The following SYPL2 variants were observed in gnomAD, a reference collection of about 807,000 sequenced individuals.
SYPL2 encodes synaptophysin-like protein 2.
Under a neutral mutation model 31.3 loss-of-function variants are expected in SYPL2, and 24 were observed. The ratio of observed to expected loss-of-function variants is 0.77; its 90% confidence interval spans 0.56 to 1.08. SYPL2 has a LOEUF of 1.08. Among genes scored for constraint, SYPL2 ranks in the 50% least tolerant of loss-of-function variants. The pLI is 0.00. For synonymous variants in SYPL2, 144 were observed against 143.1 expected, an observed-to-expected ratio of 1.01 and a Z score of -0.05; for missense variants, 342 against 360.1, an observed-to-expected ratio of 0.95 and a Z score of 0.41.
chr1:109,478,456 G>A lies in SYPL2; in HGVS notation c.648+447G>A, dbSNP rs1030504993. Among the ~76,000 whole-genome samples the A allele has an allele frequency of 7.2e-5, 11 of 152,260 alleles. No individual in the cohort carries two copies. The highest frequency in any genetic ancestry group is 2.7e-4 in the African/African-American group (11 of 41,478). ...CAGCCTGGAAAGGGGCTTTGGAGCA[G>A]TAGTGGGTCTGCTGGATGCATATGG... On this transcript the variant is annotated intron_variant, in intron 5 of 5. Coordinates refer to ENST00000369872, the MANE Select transcript of SYPL2 (RefSeq NM_001040709.2). The surrounding 1 kb of genome is among the most constrained non-coding windows in gnomAD (Gnocchi z 4.0).
chr1:109,472,019 A>G (rs1021719994), intron 2 of SYPL2, among the ~76,000 whole-genome samples: 4 of 151,716 alleles, frequency 2.6e-5, no homozygotes, highest in African/African-American at 9.7e-5. Flanking sequence ...TTTTTATTTA[A>G]TTTAATTCTG....
rs549056430 is a variant in SYPL2, at chr1:109,467,630, C to G, written c.129+497C>G. On this transcript the variant is annotated intron_variant, in intron 2 of 5. Coordinates refer to ENST00000369872, the MANE Select transcript of SYPL2 (RefSeq NM_001040709.2). The stretch of plus-strand genomic sequence containing the variant: ...GTACTGGGCTCAGGGGACAGGCTCT[C>G]GGCTCGCCGTTCCCTTTTGAGGTCA... Among the ~76,000 whole-genome samples the G allele has an allele frequency of 2.0e-5, 3 of 152,240 alleles. No individual in the cohort carries two copies. The South Asian group carries it at 6.2e-4, about 32-fold the overall frequency.
At chr1:109,469,188 C>A (rs1264940284) in intron 2 of SYPL2, among the ~76,000 whole-genome samples, 3 of 152,076 alleles carry the variant, frequency 2.0e-5, no homozygotes, top group African/African-American at 7.2e-5. Flanking sequence ...CACTCATTTC[C>A]TGTTTGGAGG....
intron 2 of SYPL2, among the ~76,000 whole-genome samples, chr1:109,468,738 G>C (rs555354917): frequency 6.6e-6 from 1 of 152,290 alleles, no homozygotes; most frequent in African/African-American, 2.4e-5. Flanking sequence ...CTCTCCCTTG[G>C]AGGGATTCTG....
At chr1:109,476,632 G>T in intron 3 of SYPL2, 144 bp from the exon 4 acceptor site, 1 of 781,510 alleles carries the variant, frequency 1.3e-6, no homozygotes, top group Non-Finnish European at 2.0e-6. Context: ...TAACTGCAAG[G>T]TTCCTTCCAG....
rs995187490 is a variant in SYPL2, at chr1:109,466,750, C to T, written c.-94C>T. 7.3e-7 allele frequency: 1 copy of T among 1,363,520 alleles called. No homozygotes were observed. Among genetic ancestry groups the T allele is most frequent in the Non-Finnish European group, 9.5e-7 (1 of 1,049,424 alleles). The allele number at this position is 1,363,520 out of a possible 1,614,324, so 84.5% of individuals were successfully genotyped here. On this transcript the variant is annotated 5_prime_UTR_variant, in exon 1 of 6. Transcript: ENST00000369872. ...TCCGGCCCCGCTCGCCTGCTCTGCC[C>T]CGGACCTGCAGCTCCCCGCTCCCCC...
chr1:109,472,838 C>T (rs1024023749), intron 2 of SYPL2, among the ~76,000 whole-genome samples: 4 of 151,832 alleles, frequency 2.6e-5, no homozygotes, highest in African/African-American at 4.8e-5. Flanking sequence ...TGTTGCTAGT[C>T]TCAAATTCCT....
At position 109,480,998 on chromosome 1, in the gene SYPL2, C is replaced by A. The variant is rs2101010095; in HGVS notation, c.*1450C>A. 1 of 152,812 alleles carries A rather than the reference C, an allele frequency of 6.5e-6. No homozygotes were observed. Among genetic ancestry groups the A allele is most frequent in the East Asian group, 1.9e-4 (1 of 5,184 alleles). The allele number at this position is 152,812 out of a possible 1,614,324, so 9.5% of individuals were successfully genotyped here. On this transcript the variant is annotated 3_prime_UTR_variant, in exon 6 of 6. Transcript: ENST00000369872. ...AAGAGGGAAGAATCCGACCACTTTC[C>A]AATCCAGTGCCAATTGGCCCACTAA...
chr1:109,468,882 G>A (rs1403305838), intron 2 of SYPL2, among the ~76,000 whole-genome samples: 1 of 151,548 alleles, frequency 6.6e-6, no homozygotes, highest in Non-Finnish European at 1.5e-5. Context: ...TAATGACCTA[G>A]GAATTAAGAT....
chr1:109,475,882 A>T (rs1655985219), intron 3 of SYPL2, among the ~76,000 whole-genome samples, 177 bp downstream of exon 3: 1 of 152,216 alleles, frequency 6.6e-6, no homozygotes, highest in African/African-American at 2.4e-5. Flanking sequence ...CACATTGACC[A>T]GAGCAAAACG....
rs1423966809 is a variant in SYPL2 at position 109,481,874 on chromosome 1, T to G, written c.*2326T>G. 2.6e-5 allele frequency: 4 copies of G among 152,508 alleles called. No individual in the cohort carries two copies. The highest frequency in any genetic ancestry group is 5.9e-5 in the Non-Finnish European group (4 of 68,156). 9.4% of individuals were successfully genotyped at this position (152,508 alleles called of 1,614,324 possible). On this transcript the variant is annotated 3_prime_UTR_variant, in exon 6 of 6. Coordinates refer to ENST00000369872, the MANE Select transcript of SYPL2 (RefSeq NM_001040709.2). The stretch of plus-strand genomic sequence containing the variant: ...CTGCTTTGCAAAGTGGGGCCTGAGG[T>G]AGAAGAAGGTGTCTGGTTTCTCCAG...
chr1:109,475,744 C>A, intron 3 of SYPL2, 39 bp downstream of exon 3: 2 of 1,594,674 alleles, frequency 1.3e-6, no homozygotes, highest in South Asian at 1.1e-5. Flanking sequence ...CATCATCTCT[C>A]ACTTGACTGG....
intron 2 of SYPL2, among the ~76,000 whole-genome samples, chr1:109,468,648 T>C (rs1571057673): frequency 6.6e-6 from 1 of 152,302 alleles, no homozygotes; most frequent in Non-Finnish European, 1.5e-5. Context: ...TACCATTAAA[T>C]TAGACAAATG....
At position 109,479,533 on chromosome 1, in the gene SYPL2, A is replaced by C; in HGVS notation, c.804A>C (p.Ala268=). The C allele has an allele frequency of 6.2e-7, 1 of 1,613,896 alleles. No individual in the cohort carries two copies. Among genetic ancestry groups the C allele is most frequent in the Non-Finnish European group, 8.5e-7 (1 of 1,179,832 alleles). Residue 268 remains alanine (A), a synonymous_variant, in exon 6 of 6, where the codon GCA becomes GCC. Transcript: ENST00000369872. ...AGGAGAGTGCAGCTGAGCAGGGAGC[A>C]GTGGAGAAGCAGTAAGCAGCCCCCC... The part of the protein sequence containing the change: ...PSQESAAEQG[A]VEKQ
chr1:109,466,700 C>G lies in SYPL2; in HGVS notation c.-144C>G, dbSNP rs1263439660. ...GCCAGCCAGCCAGCCAGACTGGACT[C>G]CGGCCCACCGACGGCCGCTCGCGCT... is the stretch of plus-strand genomic sequence containing the variant. On this transcript the variant is annotated 5_prime_UTR_variant, in exon 1 of 6. Coordinates refer to ENST00000369872, the MANE Select transcript of SYPL2 (RefSeq NM_001040709.2). 1 of 829,006 alleles carries G rather than the reference C, an allele frequency of 1.2e-6. No homozygotes were observed. Among genetic ancestry groups the G allele is most frequent in the East Asian group, 3.5e-5 (1 of 28,246 alleles). 51.4% of individuals were successfully genotyped at this position (829,006 alleles called of 1,614,324 possible). A position where few individuals can be genotyped will look rare whatever the true frequency, so the allele number is the denominator to read the frequency against.
chr1:109,467,709 C>T (rs1044949038), intron 2 of SYPL2, among the ~76,000 whole-genome samples: 1 of 151,942 alleles, frequency 6.6e-6, no homozygotes, highest in Non-Finnish European at 1.5e-5. Context: ...AATGAATGAA[C>T]GGAGCTTGTG....
chr1:109,474,587 C>T (rs555958386), intron 2 of SYPL2, among the ~76,000 whole-genome samples: 11 of 152,050 alleles, frequency 7.2e-5, no homozygotes, highest in South Asian at 2.1e-4. Flanking sequence ...ATGATCCACC[C>T]GCCTCAGCCT....
chr1:109,479,552 G>GC lies in SYPL2; in HGVS notation c.*10dup, dbSNP rs767247845. On this transcript the variant is annotated 3_prime_UTR_variant, in exon 6 of 6. Transcript: ENST00000369872. ...GGGAGCAGTGGAGAAGCAGTAAGCAGCCCCCCACCTGGCTATTCCCGAACT... is the reference window on the plus strand; with the variant it reads ...GGGAGCAGTGGAGAAGCAGTAAGCAGCCCCCCCACCTGGCTATTCCCGAACT... 5.0e-6 allele frequency: 8 copies of GC among 1,611,484 alleles called. No homozygotes were observed. In the East Asian group the frequency reaches 1.6e-4, roughly 31 times the overall value.
In SYPL2 at chr1:109,479,704, T is replaced by G. The variant is rs1333367771; in HGVS notation, c.*156T>G. 8.4e-7 allele frequency: 1 copy of G among 1,196,506 alleles called. No individual in the cohort carries two copies. Among genetic ancestry groups the G allele is most frequent in the Non-Finnish European group, 1.1e-6 (1 of 869,892 alleles). The allele number at this position is 1,196,506 out of a possible 1,614,324, so 74.1% of individuals were successfully genotyped here. On this transcript the variant is annotated 3_prime_UTR_variant, in exon 6 of 6. Coordinates refer to ENST00000369872, the MANE Select transcript of SYPL2 (RefSeq NM_001040709.2). ...GGGCAGGCATCAGCTGTTGGAAACC[T>G]GGGCAGCCCTCTCAGTGGCTTCCTA...
Sources: gnomAD v4.1 joint callset for allele counts (sites outside exome capture counted in the v4.1 genomes callset) on GRCh38, gnomAD v4.1.1 for gene constraint, Gnocchi (gnomAD v3.1) non-coding constraint, MANE v1.5 for transcripts, NCBI Gene and HGNC (gene_info 2026-07-23, HGNC 2026-07-21) for gene names.